IFT80: variants seen among roughly 807,000 people sequenced by gnomAD.
IFT80 encodes intraflagellar transport protein 80 homolog.
In IFT80, 79 loss-of-function variants were observed where a neutral mutation model predicts 107.9. The observed-to-expected ratio is 0.73, with a 90% CI of 0.61 to 0.88. IFT80 has a LOEUF of 0.88. Among genes scored for constraint, IFT80 ranks in the 40% least tolerant of loss-of-function variants. The pLI is 0.00. For synonymous variants in IFT80, 299 were observed against 300.9 expected, an observed-to-expected ratio of 0.99 and a Z score of 0.07; for missense variants, 797 against 914.2, an observed-to-expected ratio of 0.87 and a Z score of 1.65.
intron 5 of IFT80, among the ~76,000 whole-genome samples, chr3:160,370,365 T>C (rs1722148976): frequency 6.7e-6 from 1 of 149,760 alleles, no homozygotes; most frequent in South Asian, 2.1e-4. Context: ...TTCATAGTAG[T>C]AGCCATTTGA....
intron 10 of IFT80, among the ~76,000 whole-genome samples, chr3:160,304,776 TTA>T (rs1280004879): frequency 6.6e-6 from 1 of 152,198 alleles, no homozygotes; most frequent in African/African-American, 2.4e-5. Context: ...ATTAGCTTCC[TTA>T]TTTGTAAAAT....
At chr3:160,324,380 A>G (rs1055444907) in intron 8 of IFT80, among the ~76,000 whole-genome samples, 13 of 152,194 alleles carry the variant, frequency 8.5e-5, no homozygotes, top group African/African-American at 2.9e-4. Flanking sequence ...AAAATCCTCA[A>G]TAAAATACTG....
chr3:160,260,195 A>G (rs1368470938), intron 19 of IFT80, among the ~76,000 whole-genome samples: 1 of 152,252 alleles, frequency 6.6e-6, no homozygotes, highest in African/African-American at 2.4e-5. Context: ...ATGAATTAAT[A>G]AACGAATTCC....
chr3:160,378,878 G>GA (rs1415350637), intron 3 of IFT80, among the ~76,000 whole-genome samples: 1 of 152,002 alleles, frequency 6.6e-6, no homozygotes, highest in Non-Finnish European at 1.5e-5. Context: ...TACGGAGTTG[G>GA]AAAAATCACC....
At chr3:160,314,013 T>C (rs1717605675) in intron 9 of IFT80, among the ~76,000 whole-genome samples, 1 of 152,196 alleles carries the variant, frequency 6.6e-6, no homozygotes, top group African/African-American at 2.4e-5. Context: ...ATGATCACAA[T>C]ATTTAGACTC....
chr3:160,270,414 T>C (rs1486422985), intron 18 of IFT80, among the ~76,000 whole-genome samples: 6 of 152,240 alleles, frequency 3.9e-5, no homozygotes, highest in Non-Finnish European at 7.3e-5. Flanking sequence ...ACACTTAATA[T>C]GCAAAAATTA....
intron 1 of IFT80, among the ~76,000 whole-genome samples, chr3:160,387,041 A>G (rs1039720036): frequency 1.1e-4 from 17 of 152,378 alleles, no homozygotes; most frequent in Non-Finnish European, 2.2e-4. Context: ...GGGAAAATGA[A>G]TAAGACTGGA....
intron 12 of IFT80, among the ~76,000 whole-genome samples, chr3:160,291,458 G>C (rs567961903): frequency 6.6e-6 from 1 of 152,324 alleles, no homozygotes; most frequent in East Asian, 1.9e-4. Context: ...GGAACCACTT[G>C]AGTTGCTGCC....
Position 160,268,464 on chromosome 3 carries a change from C to T in IFT80, c.2172G>A (p.Glu724=). ...TATTAGTTTCCTGTTTACCAAATGT[C>T]TCCAAAAACTTTTGACGGTAAGCAA... The part of the protein sequence containing the change: ...TVLAYRQKFL[E]TFGKQETNKR... Residue 724 remains glutamate (E), a synonymous_variant, in exon 19 of 20, where the codon GAG becomes GAA. Transcript: ENST00000326448. 2 of 1,613,414 alleles carry T rather than the reference C, an allele frequency of 1.2e-6. No homozygotes were observed. The highest frequency in any genetic ancestry group is 1.7e-6 in the Non-Finnish European group (2 of 1,179,500).
intron 1 of IFT80, among the ~76,000 whole-genome samples, chr3:160,398,426 T>C (rs570651139): frequency 6.6e-6 from 1 of 152,348 alleles, no homozygotes. Flanking sequence ...CTAGTAGTTC[T>C]CAATGTCAAG....
chr3:160,368,813 C>T (rs919409637), intron 5 of IFT80, among the ~76,000 whole-genome samples: 3 of 151,748 alleles, frequency 2.0e-5, no homozygotes, highest in African/African-American at 7.3e-5. Context: ...TAATTTATAG[C>T]CTATCAAATC....
chr3:160,312,354 C>A (rs971369454), intron 9 of IFT80, among the ~76,000 whole-genome samples: 3 of 151,004 alleles, frequency 2.0e-5, no homozygotes, highest in African/African-American at 4.9e-5. Flanking sequence ...ACCTCATAGA[C>A]CCCCAGGCTC....
chr3:160,373,094 G>A (rs1027141155), intron 5 of IFT80, among the ~76,000 whole-genome samples: 5 of 152,144 alleles, frequency 3.3e-5, no homozygotes, highest in African/African-American at 1.2e-4. Flanking sequence ...TTTTTGTAGA[G>A]ATGGGGTTTT....
intron 14 of IFT80, among the ~76,000 whole-genome samples, chr3:160,282,238 C>A (rs1365041981): frequency 6.6e-6 from 1 of 152,102 alleles, no homozygotes; most frequent in Non-Finnish European, 1.5e-5. Context: ...CTTGATCTTG[C>A]CACTCCACTC....
chr3:160,376,902 T>C (rs1712068892), intron 4 of IFT80, among the ~76,000 whole-genome samples: 1 of 152,202 alleles, frequency 6.6e-6, no homozygotes, highest in Non-Finnish European at 1.5e-5. Context: ...TTCATATGAC[T>C]GCCGCCGCAT....
chr3:160,388,309 A>C (rs1412054114), intron 1 of IFT80, among the ~76,000 whole-genome samples: 3 of 151,836 alleles, frequency 2.0e-5, no homozygotes, highest in African/African-American at 7.3e-5. Flanking sequence ...AGATAAGCCT[A>C]AGAAACATTG....
At chr3:160,282,778 A>C (rs939384369) in intron 13 of IFT80, among the ~76,000 whole-genome samples, 165 bp from the exon 14 acceptor site, 3 of 152,212 alleles carry the variant, frequency 2.0e-5, no homozygotes, top group African/African-American at 4.8e-5. Flanking sequence ...CAATATGTTA[A>C]TCGTTCAAAA....
At chr3:160,330,133 T>C (rs1042239620) in intron 8 of IFT80, among the ~76,000 whole-genome samples, 1 of 152,310 alleles carries the variant, frequency 6.6e-6, no homozygotes, top group South Asian at 2.1e-4. Flanking sequence ...AAAGTTAGGA[T>C]ACTTGTTATC....
intron 11 of IFT80, among the ~76,000 whole-genome samples, chr3:160,301,629 T>C (rs563499913): frequency 1.3e-4 from 20 of 151,872 alleles, no homozygotes; most frequent in Admixed American, 3.3e-4. Flanking sequence ...AAAACACCTA[T>C]TTTTTTGCCA....
Sources: allele counts gnomAD v4.1 joint callset (sites outside exome capture counted in the v4.1 genomes callset), GRCh38; gene constraint gnomAD v4.1.1; transcripts MANE v1.5; gene names NCBI Gene and HGNC (gene_info 2026-07-23, HGNC 2026-07-21).